The following BPGM variants were observed in gnomAD, a reference collection of about 807,000 sequenced individuals.
The protein encoded by BPGM is 2,3-bisphosphoglycerate mutase, erythrocyte.
In BPGM, 15 loss-of-function variants were observed where a neutral mutation model predicts 21.6. The observed-to-expected ratio is 0.70, with a 90% confidence interval of 0.47 to 1.07. BPGM has a LOEUF of 1.07. Among genes scored for constraint, BPGM ranks in the 50% least tolerant of loss-of-function variants. The pLI, the probability that BPGM is intolerant of heterozygous loss-of-function variation, is 0.00. For synonymous variants in BPGM, 113 were observed against 116.2 expected (o/e 0.97, Z 0.18); for missense variants, 273 against 319.0 (o/e 0.86, Z 1.10).
chr7:134,668,137 T>G (rs1360293697), intron 2 of BPGM, among the ~76,000 whole-genome samples: 1 of 152,210 alleles, frequency 6.6e-6, no homozygotes, highest in African/African-American at 2.4e-5. Context: ...ATTATGACAC[T>G]GTAGGCAGTC....
At chr7:134,650,417 T>C (rs1038148699) in intron 1 of BPGM, among the ~76,000 whole-genome samples, 4 of 152,226 alleles carry the variant, frequency 2.6e-5, no homozygotes, top group African/African-American at 7.2e-5. Flanking sequence ...AGATGTAAGA[T>C]TGGGGAATGA....
At chr7:134,671,309 G>A (rs183999319) in intron 2 of BPGM, among the ~76,000 whole-genome samples, 2 of 151,554 alleles carry the variant, frequency 1.3e-5, no homozygotes, top group Non-Finnish European at 2.9e-5. Context: ...AAGTCCTTAG[G>A]GTGTTTTCAT....
At chr7:134,660,102 T>C (rs1445628822) in intron 1 of BPGM, among the ~76,000 whole-genome samples, 1 of 152,200 alleles carries the variant, frequency 6.6e-6, no homozygotes, top group African/African-American at 2.4e-5. Flanking sequence ...TTTCCTTAAG[T>C]CCTCTGTTTG....
intron 2 of BPGM, among the ~76,000 whole-genome samples, chr7:134,670,424 A>G (rs1431208524): frequency 6.6e-6 from 1 of 152,148 alleles, no homozygotes; most frequent in South Asian, 2.1e-4. Context: ...TGGTGTGGTT[A>G]AGCTTTCTTT....
chr7:134,665,189 C>T (rs13235006), intron 2 of BPGM, among the ~76,000 whole-genome samples: 89,692 of 151,294 alleles, frequency 0.59, 27,614 homozygotes, highest in East Asian at 0.89. Flanking sequence ...GGCAAACATA[C>T]GGAAGTGATA....
At chr7:134,667,569 T>C (rs780568201) in intron 2 of BPGM, among the ~76,000 whole-genome samples, 2 of 152,152 alleles carry the variant, frequency 1.3e-5, no homozygotes, top group Non-Finnish European at 1.5e-5. Flanking sequence ...AATGAAGACG[T>C]TAGCTTTCAC....
intron 2 of BPGM, among the ~76,000 whole-genome samples, chr7:134,676,095 G>A (rs1795980059): frequency 6.6e-6 from 1 of 152,114 alleles, no homozygotes; most frequent in African/African-American, 2.4e-5. Context: ...ACAGGTTTTT[G>A]GTGGGATCAT....
intron 1 of BPGM, among the ~76,000 whole-genome samples, chr7:134,657,553 G>C (rs1795659770): frequency 6.6e-6 from 1 of 152,198 alleles, no homozygotes; most frequent in Admixed American, 6.5e-5. Flanking sequence ...CTAGGATGGT[G>C]GGGGAGGGGC....
At chr7:134,659,124 A>G (rs1795688448) in intron 1 of BPGM, among the ~76,000 whole-genome samples, 1 of 152,112 alleles carries the variant, frequency 6.6e-6, no homozygotes, top group Non-Finnish European at 1.5e-5. Flanking sequence ...TGGCTTCATT[A>G]GCTTATGGAG....
chr7:134,679,208 C>T lies in BPGM; in HGVS notation c.*177C>T. 2.9e-6 allele frequency: 2 copies of T among 682,450 alleles called. No individual in the cohort carries two copies. The highest frequency in any genetic ancestry group is 4.9e-6 in the Non-Finnish European group (2 of 409,770). The allele number at this position is 682,450 out of a possible 1,614,324, so 42.3% of individuals were successfully genotyped here. A position where few individuals can be genotyped will look rare whatever the true frequency, so the allele number is the denominator to read the frequency against. On this transcript the variant is annotated 3_prime_UTR_variant, in exon 3 of 3. Transcript: ENST00000344924. The stretch of plus-strand genomic sequence containing the variant: ...GATAAGGCTTTAGGATGCCTCAGTG[C>T]TTATGTCATAGCCTTATGAGTTAGC...
At chr7:134,659,204 C>A (rs565450034) in intron 1 of BPGM, among the ~76,000 whole-genome samples, 2 of 152,024 alleles carry the variant, frequency 1.3e-5, no homozygotes, top group Non-Finnish European at 2.9e-5. Context: ...TTTTCTCCAT[C>A]CCCCTCCTCC....
chr7:134,673,030 C>T (rs1198814495), intron 2 of BPGM, among the ~76,000 whole-genome samples: 4 of 151,942 alleles, frequency 2.6e-5, no homozygotes, highest in South Asian at 2.1e-4. Flanking sequence ...AAAAAGTAGC[C>T]GGGTGTGGTG....
intron 1 of BPGM, among the ~76,000 whole-genome samples, chr7:134,654,182 A>G (rs1795600450): frequency 1.3e-5 from 2 of 152,182 alleles, no homozygotes; most frequent in African/African-American, 4.8e-5. Flanking sequence ...GTTGGATTAC[A>G]TATTCCTCAT....
intron 2 of BPGM, among the ~76,000 whole-genome samples, chr7:134,669,914 T>G (rs1378743418): frequency 6.6e-6 from 1 of 151,928 alleles, no homozygotes; most frequent in Non-Finnish European, 1.5e-5. Context: ...TCAGACACAC[T>G]TCTCACAAAG....
chr7:134,661,654 C>CT lies in BPGM; in HGVS notation c.150dup (p.Glu51Ter), dbSNP rs764403259. ...GTGGGAAGCAACTCAAAGCGTTAAA[C>CT]TTTGAGTTTGATCTTGTATTCACAT... On this transcript the variant is annotated frameshift_variant, in exon 2 of 3. Coordinates refer to ENST00000344924, the MANE Select transcript of BPGM (RefSeq NM_001724.5). LOFTEE classifies it high-confidence loss of function. This position sits in a 1 kb window ranked among gnomAD's most constrained non-coding sequence, Gnocchi z 4.6. 1 of 1,614,130 alleles carries CT rather than the reference C, an allele frequency of 6.2e-7. No individual in the cohort carries two copies. Among genetic ancestry groups the CT allele is most frequent in the Non-Finnish European group, 8.5e-7 (1 of 1,180,032 alleles).
chr7:134,649,731 G>C (rs1795526603), intron 1 of BPGM, among the ~76,000 whole-genome samples: 1 of 152,124 alleles, frequency 6.6e-6, no homozygotes, highest in Non-Finnish European at 1.5e-5. Flanking sequence ...ATTAGTACTT[G>C]GTAAGCTTCT....
At chr7:134,660,938 T>A (rs1795720562) in intron 1 of BPGM, among the ~76,000 whole-genome samples, 1 of 152,254 alleles carries the variant, frequency 6.6e-6, no homozygotes, top group Admixed American at 6.5e-5. Context: ...ATCAGATATA[T>A]GCAGTGGTGC....
chr7:134,648,234 C>T (rs1476681127), intron 1 of BPGM, among the ~76,000 whole-genome samples: 1 of 150,558 alleles, frequency 6.6e-6, no homozygotes, highest in African/African-American at 2.5e-5. Context: ...CTCCTGGATT[C>T]AATCGATTCT....
At chr7:134,652,920 TA>T (rs1394103033) in intron 1 of BPGM, among the ~76,000 whole-genome samples, 2 of 152,238 alleles carry the variant, frequency 1.3e-5, no homozygotes, top group Non-Finnish European at 2.9e-5. Context: ...CTATTGTGAA[TA>T]GTGCTGCAAC....
Sources: gnomAD v4.1 joint callset for allele counts (sites outside exome capture counted in the v4.1 genomes callset) on GRCh38, gnomAD v4.1.1 for gene constraint, Gnocchi (gnomAD v3.1) non-coding constraint, MANE v1.5 for transcripts, NCBI Gene and HGNC (gene_info 2026-07-23, HGNC 2026-07-21) for gene names.